Variants in PLA2G4A observed in about 807,000 individuals in gnomAD.
The protein encoded by PLA2G4A is phospholipase A2 group IVA.
Under a neutral mutation model 81.9 loss-of-function variants are expected in PLA2G4A, and 40 were observed. The observed-to-expected ratio is 0.49, with a 90% CI of 0.38 to 0.64. The LOEUF (loss-of-function observed/expected upper bound fraction) is 0.64, where lower values mean the gene tolerates loss of function less well. Ranked by LOEUF, PLA2G4A falls within the 30% of genes least tolerant of loss-of-function variation. The pLI is 0.00. For missense variants in PLA2G4A, 715 were observed against 905.1 expected (o/e 0.79, Z 2.69); for synonymous variants, 302 against 296.9 (o/e 1.02, Z -0.18).
At chr1:186,988,196 T>C (rs1468374772) in intron 17 of PLA2G4A, among the ~76,000 whole-genome samples, 181 bp from the exon 18 acceptor site, 1 of 152,204 alleles carries the variant, frequency 6.6e-6, no homozygotes, top group African/African-American at 2.4e-5. Flanking sequence ...AATATAAGCT[T>C]AACAAGAGTG....
At chr1:186,968,863 A>G (rs1214298140) in intron 15 of PLA2G4A, among the ~76,000 whole-genome samples, 2 of 150,082 alleles carry the variant, frequency 1.3e-5, no homozygotes, top group Non-Finnish European at 3.0e-5. Context: ...TCTGTTTTAC[A>G]TGCCTTTGCT....
At chr1:186,918,833 C>T (rs1448296774) in intron 7 of PLA2G4A, among the ~76,000 whole-genome samples, 1 of 152,208 alleles carries the variant, frequency 6.6e-6, no homozygotes, top group Admixed American at 6.5e-5. Context: ...CAATGATGTC[C>T]TTCGGTAGTC....
intron 2 of PLA2G4A, among the ~76,000 whole-genome samples, chr1:186,868,807 G>A (rs1057299533): frequency 7.9e-5 from 12 of 151,964 alleles, no homozygotes; most frequent in East Asian, 3.9e-4. Flanking sequence ...TATCAAATTC[G>A]TGAGCATAGA....
At chr1:186,872,060 A>G (rs1242535487) in intron 3 of PLA2G4A, among the ~76,000 whole-genome samples, 1 of 152,078 alleles carries the variant, frequency 6.6e-6, no homozygotes, top group African/African-American at 2.4e-5. Context: ...TAACAGCAAG[A>G]GTTTTGGCTG....
At chr1:186,920,389 G>T (rs1322155139) in intron 7 of PLA2G4A, among the ~76,000 whole-genome samples, 6 of 152,176 alleles carry the variant, frequency 3.9e-5, no homozygotes. Context: ...AACTCCTGTT[G>T]CTCTGATTAT....
chr1:186,835,583 A>G (rs1651749181), intron 1 of PLA2G4A, among the ~76,000 whole-genome samples: 3 of 152,190 alleles, frequency 2.0e-5, no homozygotes, highest in Admixed American at 1.3e-4. Context: ...AACCTCAAAC[A>G]GGTTATCAAC....
chr1:186,969,275 A>T (rs77038105), intron 15 of PLA2G4A, among the ~76,000 whole-genome samples: 7 of 151,030 alleles, frequency 4.6e-5, no homozygotes, highest in East Asian at 1.9e-4. Context: ...TTTATTTTTA[A>T]TTATGGATGC....
chr1:186,961,415 A>G (rs2102268688), intron 14 of PLA2G4A, among the ~76,000 whole-genome samples: 2 of 152,354 alleles, frequency 1.3e-5, no homozygotes, highest in East Asian at 1.9e-4. Flanking sequence ...TTGTTCCACA[A>G]TGTATGCATG....
intron 7 of PLA2G4A, among the ~76,000 whole-genome samples, chr1:186,928,239 TGA>T (rs1371241497): frequency 6.6e-6 from 1 of 152,024 alleles, no homozygotes; most frequent in African/African-American, 2.4e-5. Flanking sequence ...TCTTGACCGC[TGA>T]GAAATGTAAG....
At chr1:186,927,258 G>A (rs1228865337) in intron 7 of PLA2G4A, among the ~76,000 whole-genome samples, 1 of 152,166 alleles carries the variant, frequency 6.6e-6, no homozygotes, top group African/African-American at 2.4e-5. Context: ...AAGCAAACTT[G>A]CTGTTAGAAC....
intron 3 of PLA2G4A, among the ~76,000 whole-genome samples, chr1:186,882,210 G>T (rs1653760264): frequency 6.6e-6 from 1 of 152,032 alleles, no homozygotes; most frequent in African/African-American, 2.4e-5. Flanking sequence ...TAAAACCTCT[G>T]GGGAACTTGA....
intron 3 of PLA2G4A, among the ~76,000 whole-genome samples, chr1:186,879,833 ATT>A (rs1653660136): frequency 1.2e-5 from 1 of 81,640 alleles, no homozygotes; most frequent in Non-Finnish European, 3.8e-5. Context: ...ATTTTTATTT[ATT>A]TATATATATA....
chr1:186,888,963 A>G (rs1457013139), intron 3 of PLA2G4A, among the ~76,000 whole-genome samples: 5 of 152,152 alleles, frequency 3.3e-5, no homozygotes, highest in Non-Finnish European at 7.4e-5. Flanking sequence ...TTAAAATTAC[A>G]TATTTTTCTT....
intron 1 of PLA2G4A, among the ~76,000 whole-genome samples, chr1:186,842,421 T>C (rs1008237228): frequency 6.6e-6 from 1 of 152,182 alleles, no homozygotes; most frequent in African/African-American, 2.4e-5. Context: ...TTTTCTCCAC[T>C]AACAATTGTA....
intron 4 of PLA2G4A, 55 bp from the exon 5 acceptor site, chr1:186,894,043 A>C: frequency 1.3e-6 from 1 of 791,664 alleles, no homozygotes; most frequent in Non-Finnish European, 2.3e-6. Context: ...TATAGATGTC[A>C]TTTCCAAAGA....
At chr1:186,909,163 A>G (rs1279027195) in intron 6 of PLA2G4A, among the ~76,000 whole-genome samples, 1 of 149,142 alleles carries the variant, frequency 6.7e-6, no homozygotes, top group Non-Finnish European at 1.5e-5. Context: ...TTTAGTAGAG[A>G]CGGGGTTTCA....
At chr1:186,979,832 G>A (rs983582675) in intron 17 of PLA2G4A, among the ~76,000 whole-genome samples, 2 of 151,580 alleles carry the variant, frequency 1.3e-5, no homozygotes, top group African/African-American at 4.9e-5. Flanking sequence ...GGAACCAGAA[G>A]TGTAGTTAAT....
chr1:186,979,446 C>T lies in PLA2G4A; in HGVS notation c.2092C>T (p.His698Tyr). 1 of 1,599,868 alleles carries T rather than the reference C, an allele frequency of 6.3e-7. No homozygotes were observed. The highest frequency in any genetic ancestry group is 8.6e-7 in the Non-Finnish European group (1 of 1,166,996). The change falls in exon 17 of 18, where the codon CAC (histidine) becomes TAC (tyrosine). Residue 698 changes from histidine (H) to tyrosine (Y), a missense_variant. His to Tyr is a moderately conservative substitution (Grantham distance 83). Transcript: ENST00000367466. ...QAFKRLHDLMHFNTLNNIDVI... is the reference protein window; with the variant it reads ...QAFKRLHDLMYFNTLNNIDVI... The stretch of plus-strand genomic sequence containing the variant: ...ATTCAAAAGACTACATGATCTTATG[C>T]ACTTCAATACTCTGAACAACATTGA...
chr1:186,892,329 T>C (rs1411604874), intron 3 of PLA2G4A, among the ~76,000 whole-genome samples: 3 of 152,228 alleles, frequency 2.0e-5, no homozygotes, highest in Non-Finnish European at 4.4e-5. Flanking sequence ...TTTGCTTTGG[T>C]TGTCTGTGCC....
Sources: gnomAD v4.1 joint callset for allele counts (sites outside exome capture counted in the v4.1 genomes callset) on GRCh38, gnomAD v4.1.1 for gene constraint, MANE v1.5 for transcripts, NCBI Gene and HGNC (gene_info 2026-07-23, HGNC 2026-07-21) for gene names.